The following SMIM1 variants were observed in gnomAD, a reference collection of about 807,000 sequenced individuals.
SMIM1 encodes the protein small integral membrane protein 1 (Vel blood group), also known as small integral membrane protein 1.
SMIM1 carries 7 observed loss-of-function variants against 7.7 expected under a neutral mutation model. That is an observed-to-expected ratio of 0.91 (90% CI 0.52 to 1.71). The LOEUF (loss-of-function observed/expected upper bound fraction) is 1.71. SMIM1 is among the 40% of genes most tolerant of loss of function. The probability of loss-of-function intolerance (pLI) is 0.00; values close to 1 mark genes in which losing one functional copy is unlikely to be tolerated. For missense variants in SMIM1, 95 were observed against 102.8 expected (o/e 0.92, Z 0.33); for synonymous variants, 41 against 42.7 (o/e 0.96, Z 0.16).
Position 3,775,707 on chromosome 1 carries a change from CT to C in SMIM1, c.111-87del, listed in dbSNP as rs966024607. ...CAGCAGAGCGCCCAGGCCCCTCCCC[CT>C]GACCCAGACCAACGGCCACAGTCCA... On this transcript the variant is annotated intron_variant, in intron 3 of 3. Coordinates refer to ENST00000642557, the MANE Select transcript of SMIM1 (RefSeq NM_001288583.2). This position sits in a 1 kb window ranked among gnomAD's most constrained non-coding sequence, Gnocchi z 5.3. 3 of 1,483,210 alleles carry C rather than the reference CT, an allele frequency of 2.0e-6. No homozygotes were observed. The highest frequency in any genetic ancestry group is 2.7e-6 in the Non-Finnish European group (3 of 1,118,142). The allele number at this position is 1,483,210 out of a possible 1,614,324, so 91.9% of individuals were successfully genotyped here.
At chr1:3,773,686 T>A (rs984316067) in intron 2 of SMIM1, among the ~76,000 whole-genome samples, 4 of 151,970 alleles carry the variant, frequency 2.6e-5, no homozygotes, top group African/African-American at 7.3e-5. Context: ...AGAAGCAAAC[T>A]CTCCCATCCC....
At position 3,775,352 on chromosome 1, in the gene SMIM1, CCTCCCGCTG is replaced by C; in HGVS notation, c.-20_-12del. On this transcript the variant is annotated 5_prime_UTR_variant, in exon 3 of 4. Transcript: ENST00000642557. This position sits in a 1 kb window ranked among gnomAD's most constrained non-coding sequence, Gnocchi z 5.3. ...ATCTCCCCACCGAGAAGGCCCCGCC[CCTCCCGCTG>C]CAGCCCCACAGCATGCAGCCCCAGG... is the stretch of plus-strand genomic sequence containing the variant. 6.5e-7 allele frequency: 1 copy of C among 1,540,510 alleles called. No homozygotes were observed. The highest frequency in any genetic ancestry group is 8.8e-7 in the Non-Finnish European group (1 of 1,140,298).
intron 2 of SMIM1, among the ~76,000 whole-genome samples, chr1:3,774,177 G>A (rs970746334): frequency 2.6e-5 from 4 of 152,170 alleles, no homozygotes; most frequent in African/African-American, 7.2e-5. Flanking sequence ...AGGGGGCCCA[G>A]CAAAGCCTCA....
rs149149949 is a variant in SMIM1 at position 3,773,522 on chromosome 1, G to A, written c.-76+341G>A. Among the ~76,000 whole-genome samples, 693 of 152,288 alleles carry A rather than the reference G, an allele frequency of 4.6e-3. 1 individual carries two copies. Among genetic ancestry groups the A allele is most frequent in the African/African-American group, 0.016 (665 of 41,562 alleles). ...CTGGGCTTGACCCCTCCCACCGGGA[G>A]GCCCATGGTGGGCTGCTGCTGTGGA... On this transcript the variant is annotated intron_variant, in intron 2 of 3. Coordinates refer to ENST00000642557, the MANE Select transcript of SMIM1 (RefSeq NM_001288583.2).
chr1:3,773,774 G>A (rs188331157), intron 2 of SMIM1, among the ~76,000 whole-genome samples: 1 of 152,196 alleles, frequency 6.6e-6, no homozygotes, highest in Non-Finnish European at 1.5e-5. Flanking sequence ...TGTCTTACCC[G>A]GGTCATGGCT....
At chr1:3,774,724 T>C (rs975072103) in intron 2 of SMIM1, among the ~76,000 whole-genome samples, 2 of 151,992 alleles carry the variant, frequency 1.3e-5, no homozygotes, top group African/African-American at 4.8e-5. Context: ...CCAGCCCTCC[T>C]AGAGGTGTGG....
Position 3,775,359 on chromosome 1 carries a change from C to CTGCAGCCCCACAGCA in SMIM1, c.-4_11dup, listed in dbSNP as rs1553155473. 3 of 1,546,030 alleles carry CTGCAGCCCCACAGCA rather than the reference C, an allele frequency of 1.9e-6. No individual in the cohort carries two copies. Among genetic ancestry groups the CTGCAGCCCCACAGCA allele is most frequent in the Non-Finnish European group, 2.6e-6 (3 of 1,144,376 alleles). Reference sequence around the variant, plus strand: ...CACCGAGAAGGCCCCGCCCCTCCCGCTGCAGCCCCACAGCATGCAGCCCCA... The same window carrying CTGCAGCCCCACAGCA: ...CACCGAGAAGGCCCCGCCCCTCCCGCTGCAGCCCCACAGCATGCAGCCCCACAGCATGCAGCCCCA... On this transcript the variant is annotated 5_prime_UTR_variant, in exon 3 of 4. In the 5' UTR this introduces an upstream ATG that the reference lacks. Transcript: ENST00000642557. The surrounding 1 kb of genome is among the most constrained non-coding windows in gnomAD (Gnocchi z 5.3).
rs1273162092 is a variant in SMIM1 at position 3,775,027 on chromosome 1, C to T, written c.-75-272C>T. On this transcript the variant is annotated intron_variant, in intron 2 of 3. Transcript: ENST00000642557. The surrounding 1 kb of genome is among the most constrained non-coding windows in gnomAD (Gnocchi z 5.3). ...CTGTGCAGGCTCCCTGATAAAAGCA[C>T]CGGGGAAGGGAGGCTCCTGGAGTGT... Among the ~76,000 whole-genome samples the T allele has an allele frequency of 2.6e-5, 4 of 152,108 alleles. No homozygotes were observed. The highest frequency in any genetic ancestry group is 7.2e-5 in the African/African-American group (3 of 41,398).
chr1:3,774,427 TC>T (rs1643426587), intron 2 of SMIM1, among the ~76,000 whole-genome samples: 1 of 152,104 alleles, frequency 6.6e-6, no homozygotes, highest in Non-Finnish European at 1.5e-5. Flanking sequence ...CCGGGCTGGC[TC>T]AGGCCGGCCG....
In SMIM1 at chr1:3,775,830, T is replaced by C; in HGVS notation, c.146T>C (p.Ile49Thr). 1 of 1,550,930 alleles carries C rather than the reference T, an allele frequency of 6.4e-7. No individual in the cohort carries two copies. The highest frequency in any genetic ancestry group is 8.7e-7 in the Non-Finnish European group (1 of 1,146,916). ...AGGCTGTGCACGGGCAAGCTGGGCATCGCCATGAAGGTGCTGGGCGGCGTG... is the reference window on the plus strand; with the variant it reads ...AGGCTGTGCACGGGCAAGCTGGGCACCGCCATGAAGGTGCTGGGCGGCGTG... ...SQRLCTGKLGIAMKVLGGVAL... is the reference protein window; with the variant it reads ...SQRLCTGKLGTAMKVLGGVAL... The change falls in exon 4 of 4, where the codon ATC becomes ACC. Residue 49 changes from isoleucine to threonine, a missense_variant. Physicochemically the swap from Ile to Thr is moderately conservative, Grantham distance 89. Coordinates refer to ENST00000642557, the MANE Select transcript of SMIM1 (RefSeq NM_001288583.2). The surrounding 1 kb of genome is among the most constrained non-coding windows in gnomAD (Gnocchi z 5.3).
intron 2 of SMIM1, among the ~76,000 whole-genome samples, chr1:3,773,861 G>A: frequency 6.6e-6 from 1 of 152,334 alleles, no homozygotes; most frequent in East Asian, 1.9e-4. Context: ...TGAACCTCGG[G>A]TAGGCAGCTG....
intron 2 of SMIM1, among the ~76,000 whole-genome samples, chr1:3,773,507 C>CCCCT (rs1643413140): frequency 6.6e-6 from 1 of 152,152 alleles, no homozygotes; most frequent in Non-Finnish European, 1.5e-5. Context: ...CTGGGCTTGA[C>CCCCT]CCCTCCCACC....
At chr1:3,772,976 GTGGC>G (rs1643402082) in intron 1 of SMIM1, 83 bp from the exon 2 acceptor site, 1 of 152,346 alleles carries the variant, frequency 6.6e-6, no homozygotes, top group Admixed American at 6.5e-5. Context: ...CCGGCTCCTT[GTGGC>G]TGCTGGGGAC....
chr1:3,775,753 G>T lies in SMIM1; in HGVS notation c.111-42G>T. On this transcript the variant is annotated intron_variant, in intron 3 of 3. Transcript: ENST00000642557. This position sits in a 1 kb window ranked among gnomAD's most constrained non-coding sequence, Gnocchi z 5.3. ...AGTCCACTTAGGGGGCCCCTCATGC[G>T]GCCCTGGCCTGGGGCTCACCTCCAG... The T allele has an allele frequency of 6.5e-7, 1 of 1,535,126 alleles. No homozygotes were observed.
chr1:3,775,666 A>C lies in SMIM1; in HGVS notation c.111-129A>C. 1 of 1,378,656 alleles carries C rather than the reference A, an allele frequency of 7.3e-7. No individual in the cohort carries two copies. Among genetic ancestry groups the C allele is most frequent in the East Asian group, 2.5e-5 (1 of 39,750 alleles). 85.4% of individuals were successfully genotyped at this position (1,378,656 alleles called of 1,614,324 possible). ...CCTCTGGTTGGCTGTGGGCGGGGAG[A>C]GCTTCCTCTTGACTCCAGCAGAGCG... On this transcript the variant is annotated intron_variant, in intron 3 of 3. Transcript: ENST00000642557. The surrounding 1 kb of genome is among the most constrained non-coding windows in gnomAD (Gnocchi z 5.3).
intron 2 of SMIM1, among the ~76,000 whole-genome samples, chr1:3,773,510 C>T (rs1373538912): frequency 3.3e-5 from 5 of 152,188 alleles, no homozygotes; most frequent in Non-Finnish European, 7.4e-5. Flanking sequence ...GGCTTGACCC[C>T]TCCCACCGGG....
intron 2 of SMIM1, among the ~76,000 whole-genome samples, chr1:3,774,438 G>A (rs915886664): frequency 6.6e-5 from 10 of 152,158 alleles, no homozygotes; most frequent in Non-Finnish European, 1.0e-4. Flanking sequence ...CAGGCCGGCC[G>A]GGCAGCTGTG....
Position 3,775,416 on chromosome 1 carries a change from G to A in SMIM1, c.43G>A (p.Asp15Asn), listed in dbSNP as rs376614602. 9 of 1,550,692 alleles carry A rather than the reference G, an allele frequency of 5.8e-6. No individual in the cohort carries two copies. Among genetic ancestry groups the A allele is most frequent in the Non-Finnish European group, 7.0e-6 (8 of 1,146,872 alleles). ...CCACGTCCACTATAGTAGGTGGGAG[G>A]ACGGCAGCAGGGACGGAGTCAGCCT... ...ESHVHYSRWE[D>N]GSRDGVSLGA... The change falls in exon 3 of 4, where the codon GAC becomes AAC. Residue 15 changes from aspartate to asparagine, a missense_variant. Coordinates refer to ENST00000642557, the MANE Select transcript of SMIM1 (RefSeq NM_001288583.2). The surrounding 1 kb of genome is among the most constrained non-coding windows in gnomAD (Gnocchi z 5.3).
chr1:3,775,795 G>A lies in SMIM1; in HGVS notation c.111G>A (p.Arg37=). ...CACCTCCAGTTGGTTCTCACCCCAG[G>A]ATCTCCCAGAGGCTGTGCACGGGCA... The part of the protein sequence containing the change: ...SSTEEASRCR[R]ISQRLCTGKL... The change falls in exon 4 of 4, where the codon AGG becomes AGA. Residue 37 remains arginine (R), a splice_region_variant and synonymous_variant. Transcript: ENST00000642557. The surrounding 1 kb of genome is among the most constrained non-coding windows in gnomAD (Gnocchi z 5.3). The A allele has an allele frequency of 1.3e-6, 2 of 1,549,824 alleles. No homozygotes were observed. The highest frequency in any genetic ancestry group is 2.4e-5 in the South Asian group (2 of 84,052).
Sources: allele counts gnomAD v4.1 joint callset (sites outside exome capture counted in the v4.1 genomes callset), GRCh38; gene constraint gnomAD v4.1.1; non-coding constraint Gnocchi (gnomAD v3.1); transcripts MANE v1.5; gene names NCBI Gene and HGNC (gene_info 2026-07-23, HGNC 2026-07-21).